Variants in NR2F1-AS1 observed in about 807,000 individuals in gnomAD.
NR2F1-AS1 encodes the protein NR2F1 antisense RNA 1.
At chr5:93,557,184 T>C (rs1243257533) in intron 2 of NR2F1-AS1, among the ~76,000 whole-genome samples, 1 of 152,218 alleles carries the variant, frequency 6.6e-6, no homozygotes, top group East Asian at 1.9e-4. Context: ...AATGAAGTTA[T>C]ATAAATTTTT....
chr5:93,470,107 A>G (rs1413056518), intron 4 of NR2F1-AS1, among the ~76,000 whole-genome samples: 2 of 152,026 alleles, frequency 1.3e-5, no homozygotes, highest in Non-Finnish European at 2.9e-5. Flanking sequence ...CTAGAACAAT[A>G]GTAATAGCAG....
chr5:93,581,725 T>C (rs1186593755), upstream of NR2F1-AS1, among the ~76,000 whole-genome samples: 9 of 53,712 alleles, frequency 1.7e-4, no homozygotes, highest in African/African-American at 6.9e-4. Flanking sequence ...TCTCTCTCTC[T>C]CTCTCTCTCC....
intron 4 of NR2F1-AS1, among the ~76,000 whole-genome samples, chr5:93,512,040 T>C (rs1286203121): frequency 6.6e-6 from 1 of 152,226 alleles, no homozygotes; most frequent in Non-Finnish European, 1.5e-5. Context: ...CTAGACTTTT[T>C]ATTGTTATTT....
intron 4 of NR2F1-AS1, among the ~76,000 whole-genome samples, chr5:93,540,511 C>T (rs1236312276): frequency 6.6e-6 from 1 of 152,154 alleles, no homozygotes; most frequent in Non-Finnish European, 1.5e-5. Context: ...ATCTGCTTGC[C>T]AGCATCCATT....
chr5:93,454,052 T>C (rs1484852288), intron 4 of NR2F1-AS1, among the ~76,000 whole-genome samples: 3 of 152,130 alleles, frequency 2.0e-5, no homozygotes, highest in Non-Finnish European at 2.9e-5. Flanking sequence ...CGAGGCAGGA[T>C]TGCTTGAGCC....
chr5:93,583,692 T>C (rs1351279108), upstream of NR2F1-AS1: 1 of 152,146 alleles, frequency 6.6e-6, no homozygotes, highest in African/African-American at 2.4e-5. Context: ...TCCAGGGTTT[T>C]TTTAACTAGC....
At chr5:93,418,086 A>G (rs1749005306) in intron 4 of NR2F1-AS1, among the ~76,000 whole-genome samples, 1 of 152,164 alleles carries the variant, frequency 6.6e-6, no homozygotes, top group Non-Finnish European at 1.5e-5. Context: ...CAATCCAGGT[A>G]AAGGATAGCC....
chr5:93,550,915 T>C (rs1320887456), intron 4 of NR2F1-AS1, among the ~76,000 whole-genome samples: 1 of 151,804 alleles, frequency 6.6e-6, no homozygotes, highest in Non-Finnish European at 1.5e-5. Flanking sequence ...TTTGTAATCA[T>C]GAAGGCTGCC....
chr5:93,511,805 C>G (rs1751300918), intron 4 of NR2F1-AS1, among the ~76,000 whole-genome samples: 1 of 152,094 alleles, frequency 6.6e-6, no homozygotes, highest in Admixed American at 6.6e-5. Context: ...ACTATGCATG[C>G]GAGGGATCTA....
At chr5:93,512,211 T>C (rs562856303) in intron 4 of NR2F1-AS1, among the ~76,000 whole-genome samples, 2 of 152,146 alleles carry the variant, frequency 1.3e-5, no homozygotes, top group Non-Finnish European at 2.9e-5. Flanking sequence ...TTGATGATCC[T>C]AACCATGGGT....
intron 4 of NR2F1-AS1, among the ~76,000 whole-genome samples, chr5:93,460,239 C>T (rs980696432): frequency 6.6e-6 from 1 of 152,094 alleles, no homozygotes; most frequent in Admixed American, 6.5e-5. Flanking sequence ...TAGGTACAGA[C>T]TCAGGAAGGC....
intron 4 of NR2F1-AS1, chr5:93,422,559 AAAGGCT>A (rs1749111293): frequency 6.6e-6 from 1 of 152,228 alleles, no homozygotes; most frequent in African/African-American, 2.4e-5. Context: ...GGGAAAGTGA[AAAGGCT>A]TTCCTTTTCC....
At chr5:93,512,122 A>G (rs1751310778) in intron 4 of NR2F1-AS1, among the ~76,000 whole-genome samples, 1 of 152,246 alleles carries the variant, frequency 6.6e-6, no homozygotes, top group African/African-American at 2.4e-5. Flanking sequence ...TTATTATCAT[A>G]GAAGATGACA....
chr5:93,575,896 T>C (rs531028613), intron 1 of NR2F1-AS1, among the ~76,000 whole-genome samples: 20 of 152,232 alleles, frequency 1.3e-4, no homozygotes, highest in Non-Finnish European at 2.5e-4. Context: ...CCCCCATGTA[T>C]GGGAAATATT....
chr5:93,447,274 G>A lies in NR2F1-AS1; in HGVS notation n.639-51732C>T, dbSNP rs184026166. Among the ~76,000 whole-genome samples the A allele has an allele frequency of 2.6e-5, 4 of 152,184 alleles. No individual in the cohort carries two copies. In the East Asian group the frequency reaches 5.8e-4, roughly 22 times the overall value. On this transcript the variant is annotated intron_variant and non_coding_transcript_variant, in intron 4 of 5. Transcript: ENST00000660523. ...CATCAGAGTGAACAGGCAACCTACA[G>A]AATGGGAGAACATTTTTACAATCTA... is the stretch of plus-strand genomic sequence containing the variant.
chr5:93,505,357 T>C (rs1394142046), intron 4 of NR2F1-AS1, among the ~76,000 whole-genome samples: 1 of 152,264 alleles, frequency 6.6e-6, no homozygotes, highest in Non-Finnish European at 1.5e-5. Flanking sequence ...GTGAAAGCTG[T>C]CAGTGGTCTA....
intron 1 of NR2F1-AS1, among the ~76,000 whole-genome samples, chr5:93,575,686 T>A (rs1388921537): frequency 6.6e-6 from 1 of 152,162 alleles, no homozygotes; most frequent in Non-Finnish European, 1.5e-5. Context: ...ATAAGATGAC[T>A]TCTGGAAAAA....
At chr5:93,473,225 T>C (rs1288654032) in intron 4 of NR2F1-AS1, among the ~76,000 whole-genome samples, 1 of 152,004 alleles carries the variant, frequency 6.6e-6, no homozygotes, top group Non-Finnish European at 1.5e-5. Context: ...ATATGGATAC[T>C]GTCAGATAAA....
chr5:93,581,667 G>GGT (rs1491208712), upstream of NR2F1-AS1, among the ~76,000 whole-genome samples: 4 of 52,810 alleles, frequency 7.6e-5, 1 homozygote. Flanking sequence ...TCGGGGTCTC[G>GGT]GTCTCTCTCT....
Sources: gnomAD v4.1 joint callset for allele counts (sites outside exome capture counted in the v4.1 genomes callset) on GRCh38, gnomAD v4.1.1 for gene constraint, MANE v1.5 for transcripts, NCBI Gene and HGNC (gene_info 2026-07-23, HGNC 2026-07-21) for gene names.